PKIA: variants seen among roughly 807,000 people sequenced by gnomAD.
PKIA encodes PKI-alpha.
In PKIA, 4 loss-of-function variants were observed where a neutral mutation model predicts 7.6. The observed-to-expected ratio is 0.52, with a 90% CI of 0.26 to 1.20. PKIA has a LOEUF of 1.20. PKIA is among the 50% of genes most tolerant of loss of function. The probability of loss-of-function intolerance (pLI) is 0.13; values close to 1 mark genes in which losing one functional copy is unlikely to be tolerated. For synonymous variants in PKIA, 21 were observed against 30.7 expected, an observed-to-expected ratio of 0.68 and a Z score of 1.04; for missense variants, 73 against 86.2, an observed-to-expected ratio of 0.85 and a Z score of 0.61.
At chr8:78,543,326 GTCA>G (rs1258121412) in intron 1 of PKIA, among the ~76,000 whole-genome samples, 10 of 152,120 alleles carry the variant, frequency 6.6e-5, no homozygotes, top group African/African-American at 2.2e-4. Context: ...TTTGACAGAG[GTCA>G]TCATCCATCA....
At chr8:78,534,241 T>C (rs1237549344) in intron 1 of PKIA, 1 of 152,104 alleles carries the variant, frequency 6.6e-6, no homozygotes, top group Non-Finnish European at 1.5e-5. Flanking sequence ...AATGTTACAG[T>C]TTTAAGTAAA....
At chr8:78,552,682 G>A (rs920210300) in intron 1 of PKIA, among the ~76,000 whole-genome samples, 7 of 152,072 alleles carry the variant, frequency 4.6e-5, no homozygotes, top group East Asian at 3.9e-4. Flanking sequence ...GAATTAAATC[G>A]TGAAAAGACA....
At position 78,576,666 on chromosome 8, in the gene PKIA, G is replaced by T. The variant is rs190001162; in HGVS notation, c.-28+3727G>T. Among the ~76,000 whole-genome samples, 34 of 152,094 alleles carry T rather than the reference G, an allele frequency of 2.2e-4. No individual in the cohort carries two copies. In the East Asian group the frequency reaches 5.4e-3, roughly 24 times the overall value. On this transcript the variant is annotated intron_variant, in intron 2 of 3. Transcript: ENST00000396418. ...TTTAAAGGGTTCAAAATCCACATGT[G>T]GCTAATGAGTGAACTGTGCAGCTTT... is the stretch of plus-strand genomic sequence containing the variant.
At chr8:78,523,980 T>TAAATATATATAAACGTTTATATA (rs1809472050) in intron 1 of PKIA, among the ~76,000 whole-genome samples, 2 of 88,436 alleles carry the variant, frequency 2.3e-5, no homozygotes, top group African/African-American at 5.8e-5. Flanking sequence ...ACATTTATAT[T>TAAATATATATAAACGTTTATATA]TATAAATATA....
intron 1 of PKIA, among the ~76,000 whole-genome samples, chr8:78,557,425 T>C (rs975291840): frequency 2.6e-5 from 4 of 152,206 alleles, no homozygotes; most frequent in African/African-American, 7.2e-5. Context: ...AATGACATTG[T>C]TTAAACAATA....
At chr8:78,532,045 A>C (rs1281349896) in intron 1 of PKIA, among the ~76,000 whole-genome samples, 1 of 152,082 alleles carries the variant, frequency 6.6e-6, no homozygotes, top group Non-Finnish European at 1.5e-5. Flanking sequence ...TTTAACTTTT[A>C]AGTTCAGGGG....
intron 2 of PKIA, among the ~76,000 whole-genome samples, chr8:78,576,481 G>A (rs1807676037): frequency 6.6e-6 from 1 of 151,648 alleles, no homozygotes; most frequent in Admixed American, 6.6e-5. Context: ...AAATGTTGTA[G>A]ATCAACTCTG....
At position 78,604,636 on chromosome 8, in the gene PKIA, C is replaced by T. The variant is rs1299232616; in HGVS notation, c.*2815C>T. On this transcript the variant is annotated 3_prime_UTR_variant, in exon 4 of 4. Transcript: ENST00000396418. ...TGTCTTATTTGGGGGGTATATTTCC[C>T]AGAAGATATTTTTCTGGCATGTGGT... 6.6e-6 allele frequency: 1 copy of T among 151,688 alleles called. No individual in the cohort carries two copies. The highest frequency in any genetic ancestry group is 1.5e-5 in the Non-Finnish European group (1 of 67,866). The allele number at this position is 151,688 out of a possible 1,614,324, so 9.4% of individuals were successfully genotyped here. A position where few individuals can be genotyped will look rare whatever the true frequency, so the allele number is the denominator to read the frequency against.
At chr8:78,547,042 T>C (rs1193539633) in intron 1 of PKIA, among the ~76,000 whole-genome samples, 1 of 152,018 alleles carries the variant, frequency 6.6e-6, no homozygotes, top group Non-Finnish European at 1.5e-5. Flanking sequence ...CAGTTAATCA[T>C]CACAAATACT....
chr8:78,543,003 A>G (rs1585882473), intron 1 of PKIA, among the ~76,000 whole-genome samples: 1 of 152,126 alleles, frequency 6.6e-6, no homozygotes, highest in African/African-American at 2.4e-5. Context: ...TAGCATGAAG[A>G]TGTGCCATAG....
Position 78,597,677 on chromosome 8 carries a change from C to T in PKIA, c.-27-681C>T, listed in dbSNP as rs1808257649. On this transcript the variant is annotated intron_variant, in intron 2 of 3. Transcript: ENST00000396418. Reference sequence around the variant, plus strand: ...TTTTATAATGTAAACTAAATGTCAACAAACTATGGCATGCAGGCCAAATCT... The same window carrying T: ...TTTTATAATGTAAACTAAATGTCAATAAACTATGGCATGCAGGCCAAATCT... Among the ~76,000 whole-genome samples the T allele has an allele frequency of 2.0e-5, 3 of 152,298 alleles. No homozygotes were observed. In the South Asian group the frequency reaches 6.2e-4, roughly 32 times the overall value.
chr8:78,539,700 G>A (rs140722410), intron 1 of PKIA, among the ~76,000 whole-genome samples: 2 of 151,698 alleles, frequency 1.3e-5, no homozygotes, highest in African/African-American at 4.8e-5. Flanking sequence ...AGTCCACAAG[G>A]ACAAAAATAT....
At chr8:78,538,662 G>T (rs1806596736) in intron 1 of PKIA, among the ~76,000 whole-genome samples, 1 of 151,944 alleles carries the variant, frequency 6.6e-6, no homozygotes, top group Admixed American at 6.6e-5. Flanking sequence ...GCAGCTCTTG[G>T]TGTGCGCTGA....
intron 2 of PKIA, among the ~76,000 whole-genome samples, chr8:78,575,668 A>C (rs2118572043): frequency 6.6e-6 from 1 of 152,130 alleles, no homozygotes; most frequent in South Asian, 2.1e-4. Context: ...GGGAATTTGA[A>C]TATTCAGCTT....
intron 2 of PKIA, among the ~76,000 whole-genome samples, chr8:78,579,588 G>T (rs1011179035): frequency 1.3e-5 from 2 of 152,036 alleles, no homozygotes; most frequent in Non-Finnish European, 2.9e-5. Context: ...GAGGCATTTG[G>T]TGAGAGACAT....
At chr8:78,546,451 T>C (rs1181225311) in intron 1 of PKIA, among the ~76,000 whole-genome samples, 2 of 152,202 alleles carry the variant, frequency 1.3e-5, no homozygotes, top group African/African-American at 2.4e-5. Flanking sequence ...GCTGCATTTA[T>C]CATAAATAGC....
chr8:78,556,219 A>C (rs992320700), intron 1 of PKIA, among the ~76,000 whole-genome samples: 19 of 152,214 alleles, frequency 1.2e-4, no homozygotes, highest in Admixed American at 5.9e-4. Context: ...TATTTACATG[A>C]GTCAGTATCT....
chr8:78,558,634 TG>T (rs1217121300), intron 1 of PKIA: 1 of 98,630 alleles, frequency 1.0e-5, no homozygotes, highest in East Asian at 3.2e-4. Flanking sequence ...TACCTCCACC[TG>T]GGTCCCTCCT....
rs1808358555 is a variant in PKIA, at chr8:78,601,899, A to G, written c.*78A>G. The G allele has an allele frequency of 1.8e-6, 2 of 1,129,578 alleles. No individual in the cohort carries two copies. Among genetic ancestry groups the G allele is most frequent in the Middle Eastern group, 2.0e-4 (1 of 5,012 alleles). 70.0% of individuals were successfully genotyped at this position (1,129,578 alleles called of 1,614,324 possible). On this transcript the variant is annotated 3_prime_UTR_variant, in exon 4 of 4. Transcript: ENST00000396418. ...TATCTGGAATGCATTTGTTTCCATG[A>G]GTGAAAAGAGGAAAAAGAAAATGGC...
Sources: allele counts gnomAD v4.1 joint callset (sites outside exome capture counted in the v4.1 genomes callset), GRCh38; gene constraint gnomAD v4.1.1; transcripts MANE v1.5; gene names NCBI Gene and HGNC (gene_info 2026-07-23, HGNC 2026-07-21).